C12orf42: variants seen among roughly 807,000 people sequenced by gnomAD.
C12orf42 encodes the protein uncharacterized protein C12orf42.
A neutral mutation model predicts 21.6 loss-of-function variants in C12orf42; 25 were observed. That is an observed-to-expected ratio of 1.16 (90% confidence interval 0.84 to 1.62). The LOEUF (loss-of-function observed/expected upper bound fraction) is 1.62. Among genes scored for constraint, C12orf42 ranks in the 40% most tolerant of loss-of-function variants. The pLI, the probability that C12orf42 is intolerant of heterozygous loss-of-function variation, is 0.00. For synonymous variants in C12orf42, 174 were observed against 175.0 expected, an observed-to-expected ratio of 0.99 and a Z score of 0.05; for missense variants, 483 against 459.3, an observed-to-expected ratio of 1.05 and a Z score of -0.47.
intron 2 of C12orf42, among the ~76,000 whole-genome samples, chr12:103,445,078 T>C (rs2137372413): frequency 6.6e-6 from 1 of 152,174 alleles, no homozygotes; most frequent in Middle Eastern, 3.4e-3. Context: ...ACTTCCTGTG[T>C]ACTGCTTGCC....
intron 10 of C12orf42, among the ~76,000 whole-genome samples, chr12:103,238,109 C>T (rs2033539558): frequency 6.6e-6 from 1 of 151,970 alleles, no homozygotes; most frequent in Non-Finnish European, 1.5e-5. Context: ...ATGGCCATGG[C>T]TTGATTTTGT....
At chr12:103,376,095 TCTTA>T (rs1440971043) in intron 3 of C12orf42, among the ~76,000 whole-genome samples, 4 of 152,188 alleles carry the variant, frequency 2.6e-5, no homozygotes, top group South Asian at 2.1e-4. Flanking sequence ...AAAATTTCCG[TCTTA>T]CTTACACACA....
At chr12:103,124,611 G>T in the C12orf42 span, among the ~76,000 whole-genome samples, 1,142 of 152,114 alleles carry the variant, frequency 7.5e-3, 18 homozygotes, top group African/African-American at 0.026. Context: ...GTAGCAGGCT[G>T]CCTGGATACA....
chr12:103,365,754 A>G (rs1476586509), intron 4 of C12orf42, among the ~76,000 whole-genome samples: 1 of 151,998 alleles, frequency 6.6e-6, no homozygotes, highest in African/African-American at 2.4e-5. Context: ...TAAAATACTT[A>G]GGAATACCTA....
At chr12:103,124,473 G>C in the C12orf42 span, among the ~76,000 whole-genome samples, 1 of 152,054 alleles carries the variant, frequency 6.6e-6, no homozygotes, top group Admixed American at 6.6e-5. Flanking sequence ...AATTCTGCAG[G>C]ACTCCAAGAG....
At chr12:103,339,760 A>G (rs1294932044) in intron 4 of C12orf42, among the ~76,000 whole-genome samples, 3 of 152,214 alleles carry the variant, frequency 2.0e-5, no homozygotes, top group South Asian at 2.1e-4. Context: ...AAAATCAAAT[A>G]CACTTTTGTT....
chr12:103,102,628 G>GAAC, the C12orf42 span, among the ~76,000 whole-genome samples: 1 of 152,114 alleles, frequency 6.6e-6, no homozygotes, highest in Non-Finnish European at 1.5e-5. Flanking sequence ...AAATAAAACA[G>GAAC]AACAATGACA....
chr12:103,125,111 T>C, the C12orf42 span, among the ~76,000 whole-genome samples: 1 of 152,214 alleles, frequency 6.6e-6, no homozygotes, highest in Non-Finnish European at 1.5e-5. Flanking sequence ...ATAAATTTCA[T>C]GGTGATTTGG....
At chr12:103,450,871 C>T (rs1454101088) in intron 2 of C12orf42, among the ~76,000 whole-genome samples, 1 of 152,100 alleles carries the variant, frequency 6.6e-6, no homozygotes, top group South Asian at 2.1e-4. Flanking sequence ...GGCCCAGAGG[C>T]CATTTTGGAA....
the C12orf42 span, among the ~76,000 whole-genome samples, chr12:103,090,388 C>T: frequency 6.6e-6 from 1 of 152,174 alleles, no homozygotes; most frequent in East Asian, 1.9e-4. Context: ...AGAAGAAACA[C>T]AGATTGAAAT....
chr12:103,095,306 G>A, the C12orf42 span, among the ~76,000 whole-genome samples: 3 of 152,182 alleles, frequency 2.0e-5, no homozygotes, highest in South Asian at 4.1e-4. Context: ...GGCCTTGCCT[G>A]TTCTGCCTCC....
chr12:103,494,922 A>C (rs1319604152), intron 1 of C12orf42, among the ~76,000 whole-genome samples: 8 of 152,180 alleles, frequency 5.3e-5, no homozygotes, highest in African/African-American at 9.7e-5. Flanking sequence ...AGAGTGATTT[A>C]TTTTTGAAAT....
chr12:103,490,309 C>A (rs1259344635), intron 1 of C12orf42, among the ~76,000 whole-genome samples: 1 of 152,160 alleles, frequency 6.6e-6, no homozygotes, highest in Non-Finnish European at 1.5e-5. Context: ...ATGCATCTTA[C>A]AATGTTTTAA....
intron 2 of C12orf42, among the ~76,000 whole-genome samples, chr12:103,410,038 C>T (rs7302598): frequency 0.82 from 124,436 of 152,098 alleles, 50,965 homozygotes; most frequent in Admixed American, 0.88. Flanking sequence ...TAAGTGACAC[C>T]GTAAGGAGAA....
chr12:103,151,927 G>A, the C12orf42 span: 6 of 152,194 alleles, frequency 3.9e-5, no homozygotes, highest in African/African-American at 9.7e-5. Flanking sequence ...AGGTAGGCCT[G>A]ACTTAACCAG....
At chr12:103,222,500 G>A in the C12orf42 span, among the ~76,000 whole-genome samples, 2 of 152,124 alleles carry the variant, frequency 1.3e-5, no homozygotes. Flanking sequence ...GTTACTTCAG[G>A]CCATCTGGGC....
At chr12:103,261,558 G>A (rs187323761) in intron 10 of C12orf42, among the ~76,000 whole-genome samples, 28 of 150,230 alleles carry the variant, frequency 1.9e-4, no homozygotes, top group South Asian at 1.3e-3. Flanking sequence ...TTGTATTTCC[G>A]TCTTCCATAA....
chr12:103,488,424 G>C (rs966444068), intron 1 of C12orf42, among the ~76,000 whole-genome samples: 1 of 152,124 alleles, frequency 6.6e-6, no homozygotes, highest in Non-Finnish European at 1.5e-5. Context: ...TGACAATTGT[G>C]TGTCTTGGGG....
intron 2 of C12orf42, among the ~76,000 whole-genome samples, chr12:103,455,053 A>G (rs1183892903): frequency 1.3e-5 from 2 of 152,312 alleles, no homozygotes; most frequent in Non-Finnish European, 2.9e-5. Flanking sequence ...GCACTTGAAT[A>G]TAAGTTATTA....
Sources: allele counts gnomAD v4.1 joint callset (sites outside exome capture counted in the v4.1 genomes callset), GRCh38; gene constraint gnomAD v4.1.1; transcripts MANE v1.5; gene names NCBI Gene and HGNC (gene_info 2026-07-23, HGNC 2026-07-21).